Variants in DNAH14 observed in about 807,000 individuals in gnomAD.
DNAH14 encodes the protein axonemal beta dynein heavy chain 14.
In DNAH14, 478 loss-of-function variants were observed where a neutral mutation model predicts 520.9. That is an observed-to-expected ratio of 0.92 (90% confidence interval 0.85 to 0.99). The LOEUF (loss-of-function observed/expected upper bound fraction) is 0.99. DNAH14 is among the 50% of genes least tolerant of loss of function. The probability of loss-of-function intolerance (pLI) is 0.00; values close to 1 mark genes in which losing one functional copy is unlikely to be tolerated. For synonymous variants in DNAH14, 1,581 were observed against 1,757.2 expected (o/e 0.90, Z 2.51); for missense variants, 4,831 against 5,234.5 (o/e 0.92, Z 2.38).
chr1:225,129,607 C>G (rs2078161303), intron 27 of DNAH14, among the ~76,000 whole-genome samples: 1 of 152,116 alleles, frequency 6.6e-6, no homozygotes, highest in Admixed American at 6.5e-5. Context: ...GGAAAACTGG[C>G]TAGCCATATG....
At chr1:225,235,745 T>C (rs1309879207) in intron 42 of DNAH14, among the ~76,000 whole-genome samples, 1 of 152,114 alleles carries the variant, frequency 6.6e-6, no homozygotes, top group East Asian at 1.9e-4. Flanking sequence ...AAGGATTTGA[T>C]TTCTTCCTTG....
chr1:225,273,337 C>CA (rs1188751833), intron 52 of DNAH14, among the ~76,000 whole-genome samples: 2 of 152,094 alleles, frequency 1.3e-5, no homozygotes, highest in South Asian at 2.1e-4. Context: ...GAGGCTGAGG[C>CA]GGAGAATGGC....
intron 1 of DNAH14, among the ~76,000 whole-genome samples, chr1:224,944,073 G>C (rs948636166): frequency 1.2e-3 from 177 of 152,142 alleles, no homozygotes; most frequent in African/African-American, 4.1e-3. Context: ...TCTTGTTGAT[G>C]TGTCTAATGT....
chr1:225,039,770 T>G (rs1460919711), intron 12 of DNAH14, among the ~76,000 whole-genome samples: 1 of 140,664 alleles, frequency 7.1e-6, no homozygotes, highest in African/African-American at 2.6e-5. Flanking sequence ...CCCAGCTACT[T>G]GGGAGGCTGA....
intron 28 of DNAH14, 36 bp from the exon 29 acceptor site, chr1:225,144,361 A>G (rs1181170061): frequency 9.1e-6 from 13 of 1,424,486 alleles, no homozygotes; most frequent in Non-Finnish European, 1.2e-5. Flanking sequence ...AAATAATTTA[A>G]CCAAATAATA....
At position 224,967,500 on chromosome 1, in the gene DNAH14, C is replaced by G; in HGVS notation, c.568C>G (p.Pro190Ala). Residue 190 changes from proline (P) to alanine (A), a missense_variant, in exon 6 of 86, where the codon CCA (proline) becomes GCA (alanine). Physicochemically the swap from Pro to Ala is conservative, Grantham distance 27 (BLOSUM62 -1). Coordinates refer to ENST00000682510, the MANE Select transcript of DNAH14 (RefSeq NM_001367479.1). Reference sequence around the variant, plus strand: ...GAAAAGTCCTAAATCCCTTTACAATCCATATGATCTTCAGGTAGTATCGGC... The same window carrying G: ...GAAAAGTCCTAAATCCCTTTACAATGCATATGATCTTCAGGTAGTATCGGC... ...PRKSPKSLYN[P>A]YDLQVVSAHT... 1 of 1,602,774 alleles carries G rather than the reference C, an allele frequency of 6.2e-7. No homozygotes were observed.
intron 15 of DNAH14, among the ~76,000 whole-genome samples, chr1:225,049,036 A>T (rs1572693691): frequency 1.6e-5 from 2 of 123,964 alleles, no homozygotes; most frequent in African/African-American, 3.0e-5. Context: ...GTCTTTTTAG[A>T]TCTCTTGCCT....
intron 55 of DNAH14, 89 bp from the exon 56 acceptor site, chr1:225,300,780 G>C (rs1335821403): frequency 7.5e-7 from 1 of 1,331,422 alleles, no homozygotes; most frequent in African/African-American, 1.5e-5. Flanking sequence ...CTTAATCACT[G>C]TTGCTTTCTT....
chr1:225,275,747 A>T (rs686493), intron 52 of DNAH14, among the ~76,000 whole-genome samples, 167 bp from the exon 53 acceptor site: 19,853 of 152,190 alleles, frequency 0.13, 1,452 homozygotes, highest in East Asian at 0.31. Context: ...AGGCTTTCTA[A>T]ACCTTTATAA....
chr1:225,351,109 A>G (rs1471342996), intron 71 of DNAH14, among the ~76,000 whole-genome samples: 1 of 152,210 alleles, frequency 6.6e-6, no homozygotes, highest in Non-Finnish European at 1.5e-5. Context: ...TACACTTAAG[A>G]ATGGTTAAGA....
At chr1:225,067,632 T>C (rs1285930727) in intron 17 of DNAH14, among the ~76,000 whole-genome samples, 3 of 152,156 alleles carry the variant, frequency 2.0e-5, no homozygotes, top group Non-Finnish European at 4.4e-5. Context: ...GCATCGGTTA[T>C]TTTTTGACTC....
chr1:225,192,651 G>C (rs1449249090), intron 37 of DNAH14, 45 bp from the exon 38 acceptor site: 1 of 1,300,596 alleles, frequency 7.7e-7, no homozygotes, highest in Admixed American at 2.2e-5. Flanking sequence ...CTAAATAATT[G>C]GTCTATAGTT....
intron 17 of DNAH14, among the ~76,000 whole-genome samples, chr1:225,060,687 G>A (rs1441144985): frequency 2.1e-4 from 17 of 80,690 alleles, no homozygotes; most frequent in Non-Finnish European, 3.5e-4. Context: ...TACAGATGGG[G>A]TTTTAGTGTG....
intron 36 of DNAH14, among the ~76,000 whole-genome samples, chr1:225,180,532 C>T (rs11583479): frequency 0.13 from 19,442 of 151,756 alleles, 1,397 homozygotes; most frequent in East Asian, 0.31. Context: ...AGATAGGAAA[C>T]GAGAGATGGG....
intron 42 of DNAH14, among the ~76,000 whole-genome samples, chr1:225,237,161 T>C (rs1263103904): frequency 6.6e-6 from 1 of 152,182 alleles, no homozygotes; most frequent in Non-Finnish European, 1.5e-5. Flanking sequence ...GTCATCATAA[T>C]GCTATCTGGT....
chr1:225,177,294 T>A (rs950063790), intron 36 of DNAH14, among the ~76,000 whole-genome samples: 1 of 152,024 alleles, frequency 6.6e-6, no homozygotes, highest in Non-Finnish European at 1.5e-5. Flanking sequence ...ATTCAAGAGG[T>A]GATTTGGGTG....
intron 43 of DNAH14, among the ~76,000 whole-genome samples, chr1:225,247,707 A>C (rs2092365551): frequency 1.3e-5 from 2 of 152,226 alleles, no homozygotes; most frequent in Non-Finnish European, 2.9e-5. Context: ...TAGAGAAAAG[A>C]CAATATCTAC....
chr1:225,100,328 CAG>C (rs2075340926), intron 22 of DNAH14, among the ~76,000 whole-genome samples: 1 of 152,184 alleles, frequency 6.6e-6, no homozygotes, highest in African/African-American at 2.4e-5. Context: ...CTTTAAAACA[CAG>C]ATTAAATAAC....
intron 62 of DNAH14, 86 bp downstream of exon 62, chr1:225,322,909 C>A (rs929703854): frequency 1.6e-6 from 2 of 1,281,756 alleles, no homozygotes; most frequent in African/African-American, 1.5e-5. Flanking sequence ...TTGTTCTATT[C>A]TTAGATGGAG....
Sources: allele counts gnomAD v4.1 joint callset (sites outside exome capture counted in the v4.1 genomes callset), GRCh38; gene constraint gnomAD v4.1.1; transcripts MANE v1.5; gene names NCBI Gene and HGNC (gene_info 2026-07-23, HGNC 2026-07-21).